Variants in GRM7 observed in about 807,000 individuals in gnomAD.
The protein encoded by GRM7 is metabotropic glutamate receptor 7.
A neutral mutation model predicts 84.5 loss-of-function variants in GRM7; 35 were observed. The ratio of observed to expected loss-of-function variants is 0.41; its 90% CI spans 0.32 to 0.55. The LOEUF (loss-of-function observed/expected upper bound fraction) is 0.55, where lower values mean the gene tolerates loss of function less well. Among genes scored for constraint, GRM7 ranks in the 20% least tolerant of loss-of-function variants. The pLI is 0.19. For missense variants in GRM7, 1,003 were observed against 1,194.6 expected (o/e 0.84, Z 2.36); for synonymous variants, 487 against 455.1 (o/e 1.07, Z -0.89).
At chr3:7,435,179 C>T (rs151278781) in intron 5 of GRM7, among the ~76,000 whole-genome samples, 59 of 148,088 alleles carry the variant, frequency 4.0e-4, no homozygotes, top group Non-Finnish European at 6.0e-4. Flanking sequence ...TTTTTTTGGG[C>T]GGGGGACAGT....
chr3:7,683,798 C>T (rs1367316486), intron 9 of GRM7, among the ~76,000 whole-genome samples: 1 of 152,168 alleles, frequency 6.6e-6, no homozygotes, highest in Admixed American at 6.5e-5. Flanking sequence ...TTTAAGCACA[C>T]ACTTTTGACT....
chr3:7,358,353 C>CA lies in GRM7; in HGVS notation c.1033+51701_1033+51702insA, dbSNP rs1553567485. Among the ~76,000 whole-genome samples the CA allele has an allele frequency of 2.8e-3, 426 of 150,024 alleles. 5 individuals are homozygous for CA. Among genetic ancestry groups the CA allele is most frequent in the African/African-American group, 4.8e-3 (194 of 40,130 alleles). Reference sequence around the variant, plus strand: ...GCAAACAACAAGGCGTGGACTGAGTCCCAGGAGATCATCAACCATAGTCAT... The same window carrying CA: ...GCAAACAACAAGGCGTGGACTGAGTCACCAGGAGATCATCAACCATAGTCAT... On this transcript the variant is annotated intron_variant, in intron 4 of 9. Transcript: ENST00000357716.
At chr3:7,165,259 C>G (rs544621938) in intron 2 of GRM7, among the ~76,000 whole-genome samples, 20 of 152,240 alleles carry the variant, frequency 1.3e-4, no homozygotes, top group African/African-American at 4.8e-4. Flanking sequence ...TTCAATTATC[C>G]CAGAATTAAA....
rs565938531 is a variant in GRM7, at chr3:7,000,570, A to T, written c.519+138663A>T. 8.3e-4 allele frequency among the ~76,000 whole-genome samples: 127 copies of T among 152,254 alleles called. 1 individual carries two copies. The highest frequency in any genetic ancestry group is 2.8e-3 in the African/African-American group (117 of 41,548). On this transcript the variant is annotated intron_variant, in intron 1 of 9. Coordinates refer to ENST00000357716, the MANE Select transcript of GRM7 (RefSeq NM_000844.4). ...ATGCACTACAAGTAGAGTCCATTAT[A>T]ACTGATTTTAAATTCCATCTCTGTC...
At chr3:6,878,381 G>A (rs1039299332) in intron 1 of GRM7, among the ~76,000 whole-genome samples, 54 of 83,114 alleles carry the variant, frequency 6.5e-4, no homozygotes, top group Admixed American at 1.1e-3. Context: ...GTGTTTGCGT[G>A]TGTGTGTGTG....
chr3:7,648,979 G>A (rs920223509), intron 8 of GRM7, among the ~76,000 whole-genome samples: 2 of 151,976 alleles, frequency 1.3e-5, no homozygotes, highest in Admixed American at 6.6e-5. Flanking sequence ...AGCACTCATT[G>A]TTTCCCCCCA....
intron 1 of GRM7, among the ~76,000 whole-genome samples, chr3:6,978,896 G>A (rs193137837): frequency 3.3e-5 from 5 of 152,040 alleles, no homozygotes; most frequent in African/African-American, 1.2e-4. Context: ...TAAAATAAAG[G>A]AGTCCCTAGA....
intron 7 of GRM7, among the ~76,000 whole-genome samples, chr3:7,559,549 A>T (rs894662983): frequency 6.6e-6 from 1 of 152,070 alleles, no homozygotes; most frequent in Non-Finnish European, 1.5e-5. Flanking sequence ...GAATCTTGGT[A>T]TGGATGTGTT....
chr3:7,423,746 C>A (rs1277967129), intron 5 of GRM7, among the ~76,000 whole-genome samples: 2 of 147,240 alleles, frequency 1.4e-5, no homozygotes, highest in Non-Finnish European at 3.0e-5. Context: ...AATGTGATCA[C>A]AAAATAAATA....
chr3:7,660,455 G>A (rs896005116), intron 8 of GRM7, among the ~76,000 whole-genome samples: 5 of 152,148 alleles, frequency 3.3e-5, no homozygotes, highest in African/African-American at 9.7e-5. Flanking sequence ...AAATATTATA[G>A]ATGTATACAT....
chr3:7,626,890 A>C (rs1269862866), intron 8 of GRM7, among the ~76,000 whole-genome samples: 1 of 151,848 alleles, frequency 6.6e-6, no homozygotes, highest in Non-Finnish European at 1.5e-5. Context: ...TAATGTTTGC[A>C]ATAGCCCAGG....
intron 9 of GRM7, among the ~76,000 whole-genome samples, chr3:7,713,062 G>C (rs1701635947): frequency 6.7e-6 from 1 of 149,726 alleles, no homozygotes; most frequent in Admixed American, 6.7e-5. Context: ...GGTTATATCT[G>C]CAAAGATCCG....
chr3:7,688,441 C>T (rs1033542305), intron 9 of GRM7, among the ~76,000 whole-genome samples: 14 of 151,962 alleles, frequency 9.2e-5, no homozygotes. Flanking sequence ...AATGGTATTC[C>T]AAATACAAAT....
intron 8 of GRM7, among the ~76,000 whole-genome samples, chr3:7,631,322 C>T (rs924717625): frequency 3.9e-5 from 6 of 151,948 alleles, no homozygotes; most frequent in South Asian, 2.1e-4. Context: ...AGAAGTAGCC[C>T]GGCAGTAGGG....
chr3:6,917,827 T>C (rs10490858), intron 1 of GRM7, among the ~76,000 whole-genome samples: 16,921 of 152,144 alleles, frequency 0.11, 2,154 homozygotes, highest in East Asian at 0.34. Flanking sequence ...TATCTATATT[T>C]TCATAACTCC....
chr3:7,028,838 G>A (rs949082942), intron 1 of GRM7, among the ~76,000 whole-genome samples: 2 of 152,184 alleles, frequency 1.3e-5, no homozygotes, highest in Non-Finnish European at 2.9e-5. Context: ...ATTAAGATGT[G>A]CTAAGAAAAA....
intron 1 of GRM7, among the ~76,000 whole-genome samples, chr3:7,144,155 C>G (rs1321611765): frequency 6.6e-6 from 1 of 152,088 alleles, no homozygotes; most frequent in Admixed American, 6.6e-5. Flanking sequence ...ACTGGCCTTC[C>G]TTTTTAATGC....
At chr3:7,206,643 A>G (rs1025925164) in intron 2 of GRM7, among the ~76,000 whole-genome samples, 5 of 152,218 alleles carry the variant, frequency 3.3e-5, no homozygotes, top group African/African-American at 1.2e-4. Context: ...AAGACAGGAG[A>G]GCCTATATTT....
chr3:7,011,824 T>A (rs1695378971), intron 1 of GRM7, among the ~76,000 whole-genome samples: 1 of 152,220 alleles, frequency 6.6e-6, no homozygotes, highest in Non-Finnish European at 1.5e-5. Context: ...TAAGTGAATT[T>A]GTAATAGAAA....
Sources: allele counts gnomAD v4.1 joint callset (sites outside exome capture counted in the v4.1 genomes callset), GRCh38; gene constraint gnomAD v4.1.1; transcripts MANE v1.5; gene names NCBI Gene and HGNC (gene_info 2026-07-23, HGNC 2026-07-21).